LGI2: variants seen among roughly 807,000 people sequenced by gnomAD.
LGI2 encodes leucine rich repeat LGI family member 2.
Under a neutral mutation model 52.0 loss-of-function variants are expected in LGI2, and 30 were observed. That is an observed-to-expected ratio of 0.58 (90% confidence interval 0.43 to 0.78). The LOEUF (loss-of-function observed/expected upper bound fraction) is 0.78, where lower values mean the gene tolerates loss of function less well. Ranked by LOEUF, LGI2 falls within the 30% of genes least tolerant of loss-of-function variation. The probability of loss-of-function intolerance (pLI) is 0.00; values close to 1 mark genes in which losing one functional copy is unlikely to be tolerated. For synonymous variants in LGI2, 270 were observed against 271.8 expected (o/e 0.99, Z 0.06); for missense variants, 573 against 692.5 (o/e 0.83, Z 1.94).
Position 25,018,151 on chromosome 4 carries a change from T to C in LGI2, c.493A>G (p.Arg165Gly), listed in dbSNP as rs778945074. Reference sequence around the variant, plus strand: ...CAGTCACATTCAAATTTATTACCCCTCAAATCTCTAAAAATCAAAATAAAA... The same window carrying C: ...CAGTCACATTCAAATTTATTACCCCCCAAATCTCTAAAAATCAAAATAAAA... ...DLDSLIELDL[R>G]GNKFECDCKA... The change falls in exon 6 of 8, where the codon AGG becomes GGG. Residue 165 changes from arginine (R) to glycine (G), a missense_variant. By Grantham distance (125) the Arg-to-Gly change is moderately radical (BLOSUM62 -2). Transcript: ENST00000382114. The C allele has an allele frequency of 6.3e-7, 1 of 1,590,980 alleles. No homozygotes were observed. Among genetic ancestry groups the C allele is most frequent in the Non-Finnish European group, 8.5e-7 (1 of 1,170,842 alleles).
chr4:25,016,576 G>A (rs1359389990), intron 6 of LGI2, among the ~76,000 whole-genome samples: 1 of 152,190 alleles, frequency 6.6e-6, no homozygotes, highest in Non-Finnish European at 1.5e-5. Context: ...ACACAGCTGA[G>A]TAAGCCCCTA....
At chr4:25,024,256 G>A (rs1315277667) in intron 4 of LGI2, among the ~76,000 whole-genome samples, 8 of 152,318 alleles carry the variant, frequency 5.3e-5, no homozygotes, top group South Asian at 4.1e-4. Flanking sequence ...GCTCACGCCT[G>A]TAATCCCAGC....
intron 5 of LGI2, among the ~76,000 whole-genome samples, 173 bp downstream of exon 5, chr4:25,018,994 G>A (rs1287054199): frequency 6.6e-6 from 1 of 152,084 alleles, no homozygotes; most frequent in Non-Finnish European, 1.5e-5. Context: ...GTATAAAATG[G>A]CAAAATCCAA....
At chr4:24,994,133 G>A (rs541534929), downstream of LGI2, among the ~76,000 whole-genome samples, 5 of 152,286 alleles carry the variant, frequency 3.3e-5, no homozygotes, top group South Asian at 1.0e-3. Context: ...GGAGTGTGCA[G>A]AGAACAGAGC....
At position 25,030,683 on chromosome 4, in the gene LGI2, C is replaced by A; in HGVS notation, c.11G>T (p.Arg4Leu). The change falls in exon 1 of 8, where the codon CGG becomes CTG. Residue 4 changes from arginine (R) to leucine (L), a missense_variant. Physicochemically the swap from Arg to Leu is moderately radical, Grantham distance 102 (BLOSUM62 -2). Coordinates refer to ENST00000382114, the MANE Select transcript of LGI2 (RefSeq NM_018176.4). MAL[R>L]RGGCGALGLL... ...CCCGAGCGCTCCGCAGCCGCCTCTC[C>A]GCAGCGCCATGCCCGGTCCCCGCTC... 6.8e-7 allele frequency: 1 copy of A among 1,471,936 alleles called. No individual in the cohort carries two copies. Among genetic ancestry groups the A allele is most frequent in the Non-Finnish European group, 8.9e-7 (1 of 1,117,974 alleles). 91.2% of individuals were successfully genotyped at this position (1,471,936 alleles called of 1,614,324 possible).
At chr4:25,012,151 C>T (rs527293552) in intron 7 of LGI2, among the ~76,000 whole-genome samples, 184 bp downstream of exon 7, 1 of 152,312 alleles carries the variant, frequency 6.6e-6, no homozygotes, top group Admixed American at 6.5e-5. Context: ...TTTCCACTCT[C>T]TCAGTAATGG....
At chr4:24,993,267 C>T in the LGI2 span, among the ~76,000 whole-genome samples, 1 of 152,172 alleles carries the variant, frequency 6.6e-6, no homozygotes, top group Non-Finnish European at 1.5e-5. Context: ...CCACTCTGGG[C>T]CCTGTTTTCC....
rs1228715553 is a variant in LGI2 at position 24,999,794 on chromosome 4, A to C, written c.*3657T>G. ...TCACTCCATGGGGAAGAAAAAATGCAACTCTGCCATTTCCAGTGTGCTTCC... is the reference window on the plus strand; with the variant it reads ...TCACTCCATGGGGAAGAAAAAATGCCACTCTGCCATTTCCAGTGTGCTTCC... On this transcript the variant is annotated 3_prime_UTR_variant, in exon 8 of 8. Coordinates refer to ENST00000382114, the MANE Select transcript of LGI2 (RefSeq NM_018176.4). The C allele has an allele frequency of 6.6e-6, 3 of 455,968 alleles. No homozygotes were observed. 28.2% of individuals were successfully genotyped at this position (455,968 alleles called of 1,614,324 possible). A position where few individuals can be genotyped will look rare whatever the true frequency, so the allele number is the denominator to read the frequency against.
At position 25,003,498 on chromosome 4, in the gene LGI2, C is replaced by A; in HGVS notation, c.1591G>T (p.Gly531Trp). The A allele has an allele frequency of 6.2e-7, 1 of 1,605,302 alleles. No individual in the cohort carries two copies. Among genetic ancestry groups the A allele is most frequent in the South Asian group, 1.1e-5 (1 of 89,110 alleles). ...ATATGTTCAAAAATCTTTGTTTTCC[C>A]TTTGAAACTGGATGCAAAAAAGAAA... is the stretch of plus-strand genomic sequence containing the variant. The part of the protein sequence containing the change: ...RDFFFASSFK[G>W]KTKIFEHIIV... Residue 531 changes from glycine to tryptophan, a missense_variant, in exon 8 of 8, where the codon GGG (glycine) becomes TGG (tryptophan). Physicochemically the swap from Gly to Trp is radical, Grantham distance 184. Transcript: ENST00000382114.
Position 25,028,500 on chromosome 4 carries a change from T to A in LGI2, c.269+7A>T. The stretch of plus-strand genomic sequence containing the variant: ...CCCATTGTGCAGAGGGAACTTCCCA[T>A]ACTCACAGCAGCTGCAGAGAAGGCA... On this transcript the variant is annotated splice_region_variant and intron_variant, in intron 2 of 7. Coordinates refer to ENST00000382114, the MANE Select transcript of LGI2 (RefSeq NM_018176.4). The A allele has an allele frequency of 6.2e-7, 1 of 1,612,514 alleles. No homozygotes were observed. The highest frequency in any genetic ancestry group is 1.3e-5 in the African/African-American group (1 of 75,016).
chr4:25,017,246 A>C (rs1268703140), intron 6 of LGI2, among the ~76,000 whole-genome samples: 1 of 152,058 alleles, frequency 6.6e-6, no homozygotes, highest in Non-Finnish European at 1.5e-5. Context: ...TTGTGGGTTT[A>C]AAAGTCTGGT....
intron 6 of LGI2, among the ~76,000 whole-genome samples, chr4:25,013,925 G>A (rs1188475377): frequency 1.3e-5 from 2 of 152,150 alleles, no homozygotes; most frequent in South Asian, 2.1e-4. Flanking sequence ...GCCAGAAAGC[G>A]TGTGTTCACT....
rs1334630006 is a variant in LGI2 at position 25,030,934 on chromosome 4, C to G, written c.-241G>C. ...GGGCGGCCGCCGCCGCTGCGCCCGC[C>G]GCACTCGCGCCTGCCTGACATCAGC... On this transcript the variant is annotated 5_prime_UTR_variant, in exon 1 of 8. Coordinates refer to ENST00000382114, the MANE Select transcript of LGI2 (RefSeq NM_018176.4). 1.9e-5 allele frequency: 3 copies of G among 155,172 alleles called. No homozygotes were observed. The highest frequency in any genetic ancestry group is 1.9e-4 in the East Asian group (1 of 5,292). The allele number at this position is 155,172 out of a possible 1,614,324, so 9.6% of individuals were successfully genotyped here.
At chr4:25,022,840 A>G (rs1324828717) in intron 4 of LGI2, among the ~76,000 whole-genome samples, 1 of 152,222 alleles carries the variant, frequency 6.6e-6, no homozygotes, top group Non-Finnish European at 1.5e-5. Flanking sequence ...AGCCCGTCAC[A>G]TGGGCTTTGC....
chr4:25,018,965 A>G (rs1725860220), intron 5 of LGI2, among the ~76,000 whole-genome samples: 1 of 152,210 alleles, frequency 6.6e-6, no homozygotes, highest in Non-Finnish European at 1.5e-5. Context: ...GTGATTTACC[A>G]TTGGCCTCAT....
At chr4:25,021,872 A>AG (rs1370927526) in intron 4 of LGI2, among the ~76,000 whole-genome samples, 2 of 146,260 alleles carry the variant, frequency 1.4e-5, no homozygotes, top group Admixed American at 6.9e-5. Flanking sequence ...CTGAGGTTGC[A>AG]GTGAGCCAAG....
At chr4:25,012,972 G>A (rs1725638649) in intron 6 of LGI2, among the ~76,000 whole-genome samples, 1 of 152,164 alleles carries the variant, frequency 6.6e-6, no homozygotes, top group Non-Finnish European at 1.5e-5. Context: ...GTTTGATATG[G>A]TGCTTCTCAA....
In LGI2 at chr4:25,004,233, C is replaced by T. The variant is rs372142431; in HGVS notation, c.856G>A (p.Asp286Asn). The T allele has an allele frequency of 1.4e-5, 23 of 1,613,844 alleles. No individual in the cohort carries two copies. The highest frequency in any genetic ancestry group is 2.7e-5 in the African/African-American group (2 of 74,898). The change falls in exon 8 of 8, where the codon GAT becomes AAT. Residue 286 changes from aspartate (D) to asparagine (N), a missense_variant. Coordinates refer to ENST00000382114, the MANE Select transcript of LGI2 (RefSeq NM_018176.4). This position sits in a 1 kb window ranked among gnomAD's most constrained non-coding sequence, Gnocchi z 4.6. ...GCTACCACCACAAAGACCTGATCAT[C>T]GATGAGAATGGCCTTACAGCCCACG... Reference protein sequence around the residue: ...SIVGCKAILIDDQVFVVVAQL... With the variant: ...SIVGCKAILINDQVFVVVAQL...
At chr4:25,028,774 T>C (rs754840285) in intron 1 of LGI2, among the ~76,000 whole-genome samples, 196 bp from the exon 2 acceptor site, 4 of 152,204 alleles carry the variant, frequency 2.6e-5, no homozygotes, top group Non-Finnish European at 4.4e-5. Context: ...CAGATCAATA[T>C]GAAGACTAGT....
Sources: gnomAD v4.1 joint callset for allele counts (sites outside exome capture counted in the v4.1 genomes callset) on GRCh38, gnomAD v4.1.1 for gene constraint, Gnocchi (gnomAD v3.1) non-coding constraint, MANE v1.5 for transcripts, NCBI Gene and HGNC (gene_info 2026-07-23, HGNC 2026-07-21) for gene names.